ANO4: variants seen among roughly 807,000 people sequenced by gnomAD.
ANO4 encodes anoctamin-4.
ANO4 carries 69 observed loss-of-function variants against 141.9 expected under a neutral mutation model. The observed-to-expected ratio is 0.49, with a 90% CI of 0.40 to 0.59. The LOEUF (loss-of-function observed/expected upper bound fraction) is 0.59, where lower values mean the gene tolerates loss of function less well. Ranked by LOEUF, ANO4 falls within the 20% of genes least tolerant of loss-of-function variation. The pLI is 0.00. For missense variants in ANO4, 894 were observed against 1,162.2 expected, an observed-to-expected ratio of 0.77 and a Z score of 3.36; for synonymous variants, 350 against 394.3, an observed-to-expected ratio of 0.89 and a Z score of 1.33.
chr12:100,930,478 A>C (rs1418158875), intron 3 of ANO4, among the ~76,000 whole-genome samples: 1 of 152,154 alleles, frequency 6.6e-6, no homozygotes, highest in Non-Finnish European at 1.5e-5. Flanking sequence ...CATTGTCAAA[A>C]ATGAATTTAC....
intron 3 of ANO4, among the ~76,000 whole-genome samples, chr12:100,780,842 C>T (rs1359848540): frequency 6.6e-6 from 1 of 152,128 alleles, no homozygotes; most frequent in African/African-American, 2.4e-5. Context: ...CTGTGCCCAG[C>T]CGCAATTTAA....
At chr12:100,942,068 C>T (rs2042545689) in intron 4 of ANO4, among the ~76,000 whole-genome samples, 1 of 151,610 alleles carries the variant, frequency 6.6e-6, no homozygotes, top group Admixed American at 6.6e-5. Flanking sequence ...GCAACCTCCA[C>T]CTCCCAGGTT....
intron 1 of ANO4, among the ~76,000 whole-genome samples, chr12:100,834,017 G>T (rs2036770100): frequency 6.6e-6 from 1 of 152,124 alleles, no homozygotes; most frequent in African/African-American, 2.4e-5. Context: ...GAGGGCTAAG[G>T]TAGCTCACTC....
At chr12:101,041,183 A>G (rs7957254) in intron 11 of ANO4, among the ~76,000 whole-genome samples, 10,429 of 152,218 alleles carry the variant, frequency 0.069, 647 homozygotes, top group African/African-American at 0.16. Flanking sequence ...CTTAAATACC[A>G]GGGCCATAAA....
chr12:100,866,073 C>T (rs1246230269), intron 1 of ANO4, among the ~76,000 whole-genome samples: 1 of 152,138 alleles, frequency 6.6e-6, no homozygotes, highest in Non-Finnish European at 1.5e-5. Flanking sequence ...CAGTCAGCCT[C>T]TAGAGTGGAG....
At chr12:100,756,371 G>T (rs1565857878) in intron 3 of ANO4, among the ~76,000 whole-genome samples, 1 of 151,956 alleles carries the variant, frequency 6.6e-6, no homozygotes, top group Non-Finnish European at 1.5e-5. Context: ...TATTTTTGAG[G>T]TGTAGTCTTG....
chr12:100,940,196 G>GT (rs780940950), intron 4 of ANO4, among the ~76,000 whole-genome samples: 6,152 of 135,588 alleles, frequency 0.045, 163 homozygotes, highest in Non-Finnish European at 0.061. Flanking sequence ...TTCTTTTTCT[G>GT]TTTTTTTTTT....
At chr12:101,000,663 A>G (rs2045597753) in intron 8 of ANO4, among the ~76,000 whole-genome samples, 1 of 152,226 alleles carries the variant, frequency 6.6e-6, no homozygotes, top group Non-Finnish European at 1.5e-5. Flanking sequence ...TGTTCTGGAA[A>G]GTCTTAAACT....
chr12:101,003,310 G>A (rs1423886818), intron 8 of ANO4, among the ~76,000 whole-genome samples: 1 of 152,228 alleles, frequency 6.6e-6, no homozygotes, highest in Admixed American at 6.5e-5. Context: ...TGTAAGACAT[G>A]CATTCTCATA....
At chr12:100,751,113 T>A (rs1489821348) in intron 3 of ANO4, among the ~76,000 whole-genome samples, 1 of 152,126 alleles carries the variant, frequency 6.6e-6, no homozygotes, top group Admixed American at 6.6e-5. Context: ...GGATGCAAGC[T>A]GCCACGAGGA....
intron 1 of ANO4, among the ~76,000 whole-genome samples, chr12:100,884,996 C>T (rs571117276): frequency 4.6e-5 from 7 of 152,200 alleles, no homozygotes; most frequent in Non-Finnish European, 7.3e-5. Context: ...TACCCAGCCT[C>T]GGTGCCTTTT....
At chr12:100,944,847 A>G (rs1020835979) in intron 5 of ANO4, among the ~76,000 whole-genome samples, 1 of 152,196 alleles carries the variant, frequency 6.6e-6, no homozygotes, top group African/African-American at 2.4e-5. Context: ...CTTTATTCTC[A>G]TAATAAGTGG....
In ANO4 at chr12:100,926,555, C is replaced by T. The variant is rs541492386; in HGVS notation, c.160+4225C>T. Among the ~76,000 whole-genome samples, 3 of 151,594 alleles carry T rather than the reference C, an allele frequency of 2.0e-5. No individual in the cohort carries two copies. The South Asian group carries it at 6.2e-4, about 32-fold the overall frequency. ...GTTCAACAGGAAAACAACTTGATTGCTTTTTAGGAACAGGCATTTACATGT... is the reference window on the plus strand; with the variant it reads ...GTTCAACAGGAAAACAACTTGATTGTTTTTTAGGAACAGGCATTTACATGT... On this transcript the variant is annotated intron_variant, in intron 3 of 27. Transcript: ENST00000392977.
At chr12:100,809,521 A>G (rs921936469) in intron 1 of ANO4, among the ~76,000 whole-genome samples, 1 of 152,172 alleles carries the variant, frequency 6.6e-6, no homozygotes, top group Non-Finnish European at 1.5e-5. Flanking sequence ...CTGAACTGAG[A>G]CCATTCGGAT....
At chr12:100,844,030 A>G (rs947503377) in intron 1 of ANO4, among the ~76,000 whole-genome samples, 10 of 152,282 alleles carry the variant, frequency 6.6e-5, no homozygotes, top group African/African-American at 2.4e-4. Context: ...GCAGTTATTT[A>G]TTGAGTATCC....
intron 1 of ANO4, among the ~76,000 whole-genome samples, chr12:100,870,312 C>G (rs2038969629): frequency 6.6e-6 from 1 of 152,182 alleles, no homozygotes; most frequent in Non-Finnish European, 1.5e-5. Context: ...CATATGACTC[C>G]TATTTTTAAA....
intron 1 of ANO4, among the ~76,000 whole-genome samples, chr12:100,817,663 A>G (rs2135724626): frequency 6.6e-6 from 1 of 152,032 alleles, no homozygotes; most frequent in East Asian, 1.9e-4. Flanking sequence ...TGATTTTCAT[A>G]CTGTGAACTT....
rs1432817723 is a variant in ANO4 at position 101,012,212 on chromosome 12, C to G, written c.735-7822C>G. On this transcript the variant is annotated intron_variant, in intron 8 of 27. Coordinates refer to ENST00000392977, the MANE Select transcript of ANO4 (RefSeq NM_001286615.2). ...GCCTAGAGTAGAGCATGAGACAGAC[C>G]AAGCCCTGCCCTCACAGAGCTTGCA... Among the ~76,000 whole-genome samples the G allele has an allele frequency of 3.3e-5, 5 of 152,168 alleles. No homozygotes were observed. In the South Asian group the frequency reaches 8.3e-4, roughly 25 times the overall value.
At chr12:100,999,690 A>G (rs2045550628) in intron 8 of ANO4, among the ~76,000 whole-genome samples, 1 of 152,118 alleles carries the variant, frequency 6.6e-6, no homozygotes, top group Admixed American at 6.6e-5. Context: ...AGGAAAGAAA[A>G]GAGAGAGGGA....
Sources: gnomAD v4.1 joint callset for allele counts (sites outside exome capture counted in the v4.1 genomes callset) on GRCh38, gnomAD v4.1.1 for gene constraint, MANE v1.5 for transcripts, NCBI Gene and HGNC (gene_info 2026-07-23, HGNC 2026-07-21) for gene names.